The following ZMYM2 variants were observed in gnomAD, a reference collection of about 807,000 sequenced individuals.
ZMYM2 encodes zinc finger MYM-type protein 2.
Under a neutral mutation model 162.8 loss-of-function variants are expected in ZMYM2, and 56 were observed. That is an observed-to-expected ratio of 0.34 (90% CI 0.28 to 0.43). The LOEUF (loss-of-function observed/expected upper bound fraction) is 0.43. Ranked by LOEUF, ZMYM2 falls within the 20% of genes least tolerant of loss-of-function variation. ZMYM2 has a pLI of 1.00. For synonymous variants in ZMYM2, 510 were observed against 541.6 expected (o/e 0.94, Z 0.81); for missense variants, 1,275 against 1,621.8 (o/e 0.79, Z 3.67).
the ZMYM2 span, among the ~76,000 whole-genome samples, chr13:19,898,918 G>A: frequency 6.6e-6 from 1 of 150,892 alleles, no homozygotes; most frequent in African/African-American, 2.4e-5. Flanking sequence ...AGGTGACAGA[G>A]CAAGACCCCA....
chr13:19,954,124 T>A (rs1354190866), upstream of ZMYM2, among the ~76,000 whole-genome samples: 1 of 111,680 alleles, frequency 9.0e-6, no homozygotes, highest in East Asian at 2.6e-4. Flanking sequence ...GTGCTATGTT[T>A]AATTTTTTTT....
At chr13:19,953,737 T>C (rs1487262874), upstream of ZMYM2, among the ~76,000 whole-genome samples, 4 of 150,416 alleles carry the variant, frequency 2.7e-5, no homozygotes, top group African/African-American at 9.8e-5. Flanking sequence ...GAGATTACTC[T>C]CAGTTTCTGA....
At chr13:19,975,026 T>G (rs896107004) in intron 2 of ZMYM2, among the ~76,000 whole-genome samples, 1 of 149,718 alleles carries the variant, frequency 6.7e-6, no homozygotes, top group Non-Finnish European at 1.5e-5. Flanking sequence ...AACTGTTTAT[T>G]TTTTGTCATT....
At chr13:19,886,548 C>T in the ZMYM2 span, among the ~76,000 whole-genome samples, 1 of 151,928 alleles carries the variant, frequency 6.6e-6, no homozygotes, top group African/African-American at 2.4e-5. Context: ...TACCACTGCC[C>T]TGTCATACAC....
chr13:19,887,843 T>C, the ZMYM2 span, among the ~76,000 whole-genome samples: 1 of 151,778 alleles, frequency 6.6e-6, no homozygotes, highest in Admixed American at 6.6e-5. Context: ...AACTGCCTCA[T>C]CTTTATTTAG....
At chr13:19,985,640 TG>T (rs2139587917) in intron 2 of ZMYM2, among the ~76,000 whole-genome samples, 1 of 150,712 alleles carries the variant, frequency 6.6e-6, no homozygotes, top group Non-Finnish European at 1.5e-5. Flanking sequence ...AGACAGAGGT[TG>T]CAGTGAGCCG....
chr13:20,066,943 C>T lies in ZMYM2; in HGVS notation c.3225C>T (p.Gly1075=), dbSNP rs1226640546. 9 of 1,613,068 alleles carry T rather than the reference C, an allele frequency of 5.6e-6. No homozygotes were observed. Among genetic ancestry groups the T allele is most frequent in the Non-Finnish European group, 7.6e-6 (9 of 1,179,464 alleles). Residue 1075 remains glycine (G), a synonymous_variant, in exon 20 of 25, where the codon GGC becomes GGT. Coordinates refer to ENST00000610343, the MANE Select transcript of ZMYM2 (RefSeq NM_197968.4). ...ECSFPFKYTY[G]VNAWKHWVKT... is the part of the protein sequence containing the mutation. ...GCTTTCCTTTCAAATATACGTATGG[C>T]GTAAATGCATGGAAACACTGGGTCA... is the stretch of plus-strand genomic sequence containing the variant.
chr13:20,048,536 C>T (rs1053159593), intron 12 of ZMYM2, among the ~76,000 whole-genome samples: 4 of 151,790 alleles, frequency 2.6e-5, no homozygotes, highest in African/African-American at 9.7e-5. Context: ...CTATCTTTTT[C>T]GTATTCATGG....
At chr13:20,029,339 A>G (rs970845247) in intron 9 of ZMYM2, among the ~76,000 whole-genome samples, 2 of 152,228 alleles carry the variant, frequency 1.3e-5, no homozygotes, top group African/African-American at 2.4e-5. Context: ...TCACCTTTTC[A>G]AAGCCCCTAC....
At chr13:19,885,943 A>ATACACATATG in the ZMYM2 span, among the ~76,000 whole-genome samples, 2 of 24,416 alleles carry the variant, frequency 8.2e-5, 1 homozygote, top group East Asian at 2.4e-3. Flanking sequence ...ACACATATAT[A>ATACACATATG]TGTATATACA....
In ZMYM2 at chr13:20,086,798, T is replaced by TATATATATAA. The variant is rs1491174937; in HGVS notation, c.*785_*786insTATATATAAA. On this transcript the variant is annotated 3_prime_UTR_variant, in exon 25 of 25. Coordinates refer to ENST00000610343, the MANE Select transcript of ZMYM2 (RefSeq NM_197968.4). Reference sequence around the variant, plus strand: ...ATATATATATATATATATATATATATAAATGATTGTAAGTTGAAAACAAGA... The same window carrying TATATATATAA: ...ATATATATATATATATATATATATATATATATATAAAAATGATTGTAAGTTGAAAACAAGA... 6.7e-6 allele frequency: 1 copy of TATATATATAA among 148,854 alleles called. No homozygotes were observed. The highest frequency in any genetic ancestry group is 2.6e-5 in the African/African-American group (1 of 38,738). The allele number at this position is 148,854 out of a possible 1,614,324, so 9.2% of individuals were successfully genotyped here.
the ZMYM2 span, among the ~76,000 whole-genome samples, chr13:19,883,750 GTATATA>G: frequency 2.0e-5 from 3 of 151,164 alleles, no homozygotes; most frequent in African/African-American, 2.4e-5. Flanking sequence ...TATTCTCATG[GTATATA>G]TATATATATT....
chr13:19,962,496 G>GATATATATATATATATATAT (rs199575840), intron 2 of ZMYM2, among the ~76,000 whole-genome samples: 4 of 84,806 alleles, frequency 4.7e-5, no homozygotes, highest in African/African-American at 2.4e-4. Flanking sequence ...AATTGCATGG[G>GATATATATATATATATATAT]ATATATATAT....
the ZMYM2 span, among the ~76,000 whole-genome samples, chr13:19,868,444 G>A: frequency 6.6e-6 from 1 of 152,146 alleles, no homozygotes; most frequent in African/African-American, 2.4e-5. Flanking sequence ...ATAATGAGAT[G>A]TTCCATCGTT....
chr13:20,026,624 C>A lies in ZMYM2; in HGVS notation c.1597C>A (p.Leu533Met). Residue 533 changes from leucine (L) to methionine (M), a missense_variant, in exon 8 of 25, where the codon CTG becomes ATG. Leu to Met is a conservative substitution (Grantham distance 15). Transcript: ENST00000610343. ...FLMQPEKYGK[L>M]TTCTGCRTQC... ...TTTCAAATTTTAGAAATATGGAAAA[C>A]TGACAACTTGTACTGGTTGCCGAAC... 1 of 1,592,926 alleles carries A rather than the reference C, an allele frequency of 6.3e-7. No individual in the cohort carries two copies. Among genetic ancestry groups the A allele is most frequent in the Non-Finnish European group, 8.5e-7 (1 of 1,174,988 alleles).
At chr13:19,977,515 C>T (rs563880400) in intron 2 of ZMYM2, among the ~76,000 whole-genome samples, 15 of 142,408 alleles carry the variant, frequency 1.1e-4, no homozygotes, top group African/African-American at 3.2e-4. Flanking sequence ...TTTTTTGAGA[C>T]GGAGTCTTTC....
At chr13:19,896,760 C>CAA in the ZMYM2 span, among the ~76,000 whole-genome samples, 4,629 of 87,034 alleles carry the variant, frequency 0.053, 202 homozygotes, top group African/African-American at 0.13. Flanking sequence ...GACTCCATCT[C>CAA]AAAAAAAAAA....
At chr13:19,938,596 T>C in the ZMYM2 span, among the ~76,000 whole-genome samples, 1 of 152,204 alleles carries the variant, frequency 6.6e-6, no homozygotes, top group Non-Finnish European at 1.5e-5. Flanking sequence ...GAGGGGGCCA[T>C]TATTTTGGAT....
At position 20,046,564 on chromosome 13, in the gene ZMYM2, A is replaced by AAT. The variant is rs1555317285; in HGVS notation, c.2293-4852_2293-4851dup. Among the ~76,000 whole-genome samples, 291 of 103,854 alleles carry AAT rather than the reference A, an allele frequency of 2.8e-3. 3 individuals are homozygous for AAT. Among genetic ancestry groups the AAT allele is most frequent in the South Asian group, 4.8e-3 (13 of 2,732 alleles). 68.1% of individuals were successfully genotyped at this position (103,854 alleles called of 152,430 possible). ...GTAAGACTTTGTCTCTAAAAAAAAA[A>AAT]ATATATATATATATATATGTGTGTG... On this transcript the variant is annotated intron_variant, in intron 12 of 24. Transcript: ENST00000610343.
Sources: gnomAD v4.1 joint callset for allele counts (sites outside exome capture counted in the v4.1 genomes callset) on GRCh38, gnomAD v4.1.1 for gene constraint, MANE v1.5 for transcripts, NCBI Gene and HGNC (gene_info 2026-07-23, HGNC 2026-07-21) for gene names.